The following NEO1 variants were observed in gnomAD, a reference collection of about 807,000 sequenced individuals.
The protein encoded by NEO1 is neogenin.
Under a neutral mutation model 159.7 loss-of-function variants are expected in NEO1, and 63 were observed. That is an observed-to-expected ratio of 0.39 (90% confidence interval 0.32 to 0.49). The LOEUF (loss-of-function observed/expected upper bound fraction) is 0.49. Ranked by LOEUF, NEO1 falls within the 20% of genes least tolerant of loss-of-function variation. NEO1 has a pLI of 0.85. For missense variants in NEO1, 1,615 were observed against 1,831.0 expected (o/e 0.88, Z 2.15); for synonymous variants, 633 against 662.0 (o/e 0.96, Z 0.67).
intron 8 of NEO1, among the ~76,000 whole-genome samples, chr15:73,237,908 G>A (rs755195683): frequency 2.4e-4 from 37 of 152,108 alleles, no homozygotes; most frequent in Non-Finnish European, 4.4e-4. Context: ...CTTATTGTGC[G>A]TTCTACCAGA....
intron 22 of NEO1, among the ~76,000 whole-genome samples, chr15:73,280,281 G>A (rs1422949502): frequency 2.0e-5 from 3 of 149,522 alleles, no homozygotes; most frequent in Admixed American, 6.7e-5. Context: ...GTGAGGTTCC[G>A]TCTCAAAAAA....
At chr15:73,275,429 C>A (rs539955842) in intron 21 of NEO1, among the ~76,000 whole-genome samples, 1 of 152,180 alleles carries the variant, frequency 6.6e-6, no homozygotes, top group African/African-American at 2.4e-5. Context: ...GTGGGAGGAT[C>A]ACTTGAGCCC....
At chr15:73,162,165 C>A in intron 5 of NEO1, 1 of 222,978 alleles carries the variant, frequency 4.5e-6, no homozygotes, top group Non-Finnish European at 9.3e-6. Context: ...GATCACTTTC[C>A]AAATGTACCT....
Position 73,122,712 on chromosome 15 carries a change from T to C in NEO1, c.636T>C (p.Thr212=), listed in dbSNP as rs1390219116. The C allele has an allele frequency of 1.9e-6, 3 of 1,614,050 alleles. No individual in the cohort carries two copies. Among genetic ancestry groups the C allele is most frequent in the Non-Finnish European group, 2.5e-6 (3 of 1,180,036 alleles). ...PSGMLVISNA[T]EGDGGLYRCV... is the part of the protein sequence containing the mutation. ...GAATGCTGGTTATCAGCAATGCAAC[T>C]GAAGGAGATGGCGGGCTTTATCGCT... The change falls in exon 3 of 29, where the codon ACT becomes ACC. Residue 212 remains threonine (T), a synonymous_variant. Transcript: ENST00000261908.
At chr15:73,146,029 C>T (rs1411700184) in intron 5 of NEO1, among the ~76,000 whole-genome samples, 3 of 152,220 alleles carry the variant, frequency 2.0e-5, no homozygotes, top group African/African-American at 7.2e-5. Context: ...AATGTTCCTC[C>T]TTCCACTCCC....
intron 4 of NEO1, among the ~76,000 whole-genome samples, chr15:73,133,973 C>T (rs1045318977): frequency 1.3e-5 from 2 of 152,108 alleles, no homozygotes; most frequent in Admixed American, 6.5e-5. Flanking sequence ...TACTGTATCT[C>T]GCTTTCAAAA....
chr15:73,176,614 G>T, intron 6 of NEO1, 57 bp downstream of exon 6: 1 of 1,383,064 alleles, frequency 7.2e-7, no homozygotes. Flanking sequence ...ATTTTTAAAT[G>T]TAGTCACCGA....
Position 73,272,432 on chromosome 15 carries a change from T to C in NEO1, c.2858-23T>C, listed in dbSNP as rs371559148. 9.0e-6 allele frequency: 14 copies of C among 1,562,578 alleles called. No individual in the cohort carries two copies. In the African/African-American group the frequency reaches 1.4e-4, roughly 15 times the overall value. ...ACTAATTTGAAATGGACAGAAATTA[T>C]TAAAAATTTTGTTATTTTGTAGTTC... is the stretch of plus-strand genomic sequence containing the variant. On this transcript the variant is annotated intron_variant, in intron 18 of 28. Transcript: ENST00000261908.
chr15:73,273,777 T>G, intron 19 of NEO1, 34 bp from the exon 20 acceptor site: 131 of 1,524,686 alleles, frequency 8.6e-5, no homozygotes, highest in Non-Finnish European at 1.1e-4. Context: ...AAAGCAGGAG[T>G]GAGATTTCTT....
intron 5 of NEO1, among the ~76,000 whole-genome samples, chr15:73,149,600 A>G (rs984872365): frequency 1.5e-5 from 2 of 135,484 alleles, no homozygotes; most frequent in African/African-American, 2.4e-5. Context: ...TCTTGTGCAG[A>G]AAGTAGAAGG....
intron 1 of NEO1, among the ~76,000 whole-genome samples, chr15:73,074,244 G>A (rs1360967687): frequency 6.6e-6 from 1 of 152,160 alleles, no homozygotes; most frequent in Non-Finnish European, 1.5e-5. Context: ...TTCAGTTTTA[G>A]ACATCCATTT....
chr15:73,117,036 C>T lies in NEO1; in HGVS notation c.448+179C>T, dbSNP rs532717108. 3.9e-5 allele frequency among the ~76,000 whole-genome samples: 6 copies of T among 152,210 alleles called. No homozygotes were observed. The South Asian group carries it at 8.3e-4, about 21-fold the overall frequency. ...CCTTGCTGTAGGGCTTGCTCAGTGC[C>T]GTAGAGAATAAACTGTAGCGTGTTT... On this transcript the variant is annotated intron_variant, in intron 2 of 28. Transcript: ENST00000261908.
chr15:73,268,556 C>G (rs1381313729), intron 16 of NEO1, among the ~76,000 whole-genome samples: 1 of 152,172 alleles, frequency 6.6e-6, no homozygotes, highest in Non-Finnish European at 1.5e-5. Flanking sequence ...GTCCTCATTG[C>G]ACAGGAAATA....
chr15:73,164,465 T>G (rs2034430414), intron 5 of NEO1, among the ~76,000 whole-genome samples: 1 of 152,148 alleles, frequency 6.6e-6, no homozygotes, highest in Admixed American at 6.6e-5. Flanking sequence ...TCTACCCGCC[T>G]CAGCCTCCCA....
intron 5 of NEO1, among the ~76,000 whole-genome samples, chr15:73,146,827 A>C (rs924168988): frequency 2.0e-5 from 3 of 152,238 alleles, no homozygotes; most frequent in Non-Finnish European, 1.5e-5. Context: ...AGCCGTTCAA[A>C]GACCTGAAGA....
Position 73,293,530 on chromosome 15 carries a change from G to C in NEO1, c.3883G>C (p.Asp1295His), listed in dbSNP as rs2042239947. Residue 1295 changes from aspartate to histidine, a missense_variant, in exon 26 of 29, where the codon GAC becomes CAC. Asp to His is a moderately conservative substitution (Grantham distance 81). Coordinates refer to ENST00000261908, the MANE Select transcript of NEO1 (RefSeq NM_002499.4). Reference sequence around the variant, plus strand: ...CATTGGCACATCCATGTCCCTTTCAGACAGGGCCAATTCCACAGGTGAGAG... The same window carrying C: ...CATTGGCACATCCATGTCCCTTTCACACAGGGCCAATTCCACAGGTGAGAG... ...WPIGTSMSLS[D>H]RANSTESVRN... 1 of 1,613,994 alleles carries C rather than the reference G, an allele frequency of 6.2e-7. No homozygotes were observed. The highest frequency in any genetic ancestry group is 1.3e-5 in the African/African-American group (1 of 74,914).
intron 7 of NEO1, among the ~76,000 whole-genome samples, chr15:73,196,502 C>T (rs1372409443): frequency 6.6e-6 from 1 of 152,206 alleles, no homozygotes; most frequent in Non-Finnish European, 1.5e-5. Context: ...TTCACATGCA[C>T]TTTATTCCCT....
At chr15:73,142,568 C>G (rs968835480) in intron 5 of NEO1, among the ~76,000 whole-genome samples, 1 of 152,002 alleles carries the variant, frequency 6.6e-6, no homozygotes, top group African/African-American at 2.4e-5. Flanking sequence ...GGGACAGATA[C>G]CTGTAGCATC....
At chr15:73,061,618 A>G (rs2067982844) in intron 1 of NEO1, among the ~76,000 whole-genome samples, 2 of 152,256 alleles carry the variant, frequency 1.3e-5, no homozygotes, top group African/African-American at 4.8e-5. Context: ...ATTTGGGGGT[A>G]AAGTTAATTG....
Sources: allele counts gnomAD v4.1 joint callset (sites outside exome capture counted in the v4.1 genomes callset), GRCh38; gene constraint gnomAD v4.1.1; transcripts MANE v1.5; gene names NCBI Gene and HGNC (gene_info 2026-07-23, HGNC 2026-07-21).